The following SUGCT variants were observed in gnomAD, a reference collection of about 807,000 sequenced individuals.
The protein encoded by SUGCT is succinyl-CoA:glutarate CoA-transferase.
Under a neutral mutation model 55.0 loss-of-function variants are expected in SUGCT, and 41 were observed. The ratio of observed to expected loss-of-function variants is 0.74; its 90% CI spans 0.58 to 0.97. SUGCT has a LOEUF of 0.97. Among genes scored for constraint, SUGCT ranks in the 50% least tolerant of loss-of-function variants. The probability of loss-of-function intolerance (pLI) is 0.00; values close to 1 mark genes in which losing one functional copy is unlikely to be tolerated. For synonymous variants in SUGCT, 187 were observed against 200.4 expected (o/e 0.93, Z 0.56); for missense variants, 568 against 547.8 (o/e 1.04, Z -0.37).
At chr7:40,473,223 A>T (rs1790493984) in intron 11 of SUGCT, among the ~76,000 whole-genome samples, 1 of 152,198 alleles carries the variant, frequency 6.6e-6, no homozygotes, top group Non-Finnish European at 1.5e-5. Context: ...TTGTTCAATA[A>T]ATCTTACATA....
chr7:40,365,133 G>A (rs529599707), intron 9 of SUGCT, among the ~76,000 whole-genome samples: 16 of 152,026 alleles, frequency 1.1e-4, no homozygotes, highest in East Asian at 5.8e-4. Flanking sequence ...AATGTAATCC[G>A]GCATATAAAC....
the SUGCT span, among the ~76,000 whole-genome samples, chr7:40,921,676 C>G: frequency 0.36 from 54,812 of 152,086 alleles, 9,965 homozygotes; most frequent in South Asian, 0.49. Flanking sequence ...GCTGTCATCT[C>G]CTGCAGAGGC....
chr7:40,293,979 G>C (rs1008709703), intron 8 of SUGCT, among the ~76,000 whole-genome samples: 1 of 151,650 alleles, frequency 6.6e-6, no homozygotes, highest in Non-Finnish European at 1.5e-5. Flanking sequence ...TTGGAGTCTC[G>C]CTCTGTTGCT....
intron 1 of SUGCT, among the ~76,000 whole-genome samples, chr7:40,165,986 G>T (rs182552385): frequency 4.6e-5 from 7 of 152,280 alleles, no homozygotes; most frequent in Admixed American, 4.6e-4. Context: ...GCTGGATGTG[G>T]TGGCACACGC....
the SUGCT span, among the ~76,000 whole-genome samples, chr7:41,013,298 C>T: frequency 1.3e-5 from 2 of 152,132 alleles, no homozygotes; most frequent in African/African-American, 2.4e-5. Context: ...TTTGGTACCG[C>T]GTTCTTCTTA....
At chr7:40,143,145 C>T (rs955389793) in intron 1 of SUGCT, among the ~76,000 whole-genome samples, 7 of 152,026 alleles carry the variant, frequency 4.6e-5, no homozygotes, top group Non-Finnish European at 7.4e-5. Context: ...AAGGGATAGC[C>T]GATTGGACTA....
intron 12 of SUGCT, among the ~76,000 whole-genome samples, chr7:40,558,696 A>G (rs184189788): frequency 6.0e-4 from 92 of 152,354 alleles, no homozygotes; most frequent in African/African-American, 2.1e-3. Flanking sequence ...TAGTGGTGAT[A>G]ACTGCACAAC....
intron 12 of SUGCT, among the ~76,000 whole-genome samples, chr7:40,639,101 T>C (rs1235538029): frequency 6.6e-6 from 1 of 152,212 alleles, no homozygotes; most frequent in Non-Finnish European, 1.5e-5. Context: ...TGTGGCATCT[T>C]GTGCAGAATG....
intron 7 of SUGCT, among the ~76,000 whole-genome samples, chr7:40,251,959 A>G (rs1027931900): frequency 6.6e-6 from 1 of 152,046 alleles, no homozygotes; most frequent in African/African-American, 2.4e-5. Context: ...AAAGAAATAA[A>G]TAGAGATGTT....
chr7:40,395,641 C>T (rs918346576), intron 9 of SUGCT, among the ~76,000 whole-genome samples: 2 of 151,956 alleles, frequency 1.3e-5, no homozygotes, highest in Non-Finnish European at 2.9e-5. Context: ...AAGCCATATT[C>T]CCCCATTCCC....
chr7:40,641,719 T>G (rs935594519), intron 12 of SUGCT, among the ~76,000 whole-genome samples: 3 of 152,198 alleles, frequency 2.0e-5, no homozygotes, highest in Admixed American at 6.5e-5. Flanking sequence ...GTGTAAAGGT[T>G]TCCCCTTTAT....
chr7:40,360,411 A>G (rs1467718754), intron 9 of SUGCT, among the ~76,000 whole-genome samples: 2 of 152,242 alleles, frequency 1.3e-5, no homozygotes, highest in East Asian at 3.8e-4. Context: ...AAGGAATACA[A>G]TTCATTCATT....
At chr7:40,422,254 G>T (rs4392800) in intron 9 of SUGCT, among the ~76,000 whole-genome samples, 1 of 152,068 alleles carries the variant, frequency 6.6e-6, no homozygotes, top group Admixed American at 6.6e-5. Flanking sequence ...TCAGTATTTA[G>T]AATAGGGTGT....
At chr7:40,624,701 C>T (rs528076991) in intron 12 of SUGCT, among the ~76,000 whole-genome samples, 43 of 151,754 alleles carry the variant, frequency 2.8e-4, no homozygotes, top group African/African-American at 9.2e-4. Context: ...AAAGGAAAGT[C>T]GGGAGTGAGG....
chr7:40,993,305 C>G, the SUGCT span, among the ~76,000 whole-genome samples: 2 of 152,188 alleles, frequency 1.3e-5, no homozygotes, highest in African/African-American at 2.4e-5. Context: ...GTTCTGTGCA[C>G]TGTGTTTGCT....
At chr7:40,624,214 C>T (rs79190412) in intron 12 of SUGCT, among the ~76,000 whole-genome samples, 1,839 of 152,250 alleles carry the variant, frequency 0.012, 37 homozygotes, top group African/African-American at 0.039. Context: ...GGCCTCCTCC[C>T]CCAGTATCTT....
At chr7:40,444,690 C>G (rs62451199) in intron 9 of SUGCT, among the ~76,000 whole-genome samples, 4,500 of 152,272 alleles carry the variant, frequency 0.03, 102 homozygotes, top group Middle Eastern at 0.051. Context: ...TTGACTTCCT[C>G]TTTTCCTAAT....
chr7:41,005,851 C>T, the SUGCT span, among the ~76,000 whole-genome samples: 1 of 152,184 alleles, frequency 6.6e-6, no homozygotes, highest in East Asian at 1.9e-4. Context: ...TGGTGACTAG[C>T]CCTCAACCTT....
chr7:40,747,844 C>T (rs575161903), intron 12 of SUGCT, among the ~76,000 whole-genome samples: 6 of 152,172 alleles, frequency 3.9e-5, no homozygotes, highest in South Asian at 4.1e-4. Flanking sequence ...AACATTTTGC[C>T]TCCAATAATT....
Sources: gnomAD v4.1 joint callset for allele counts (sites outside exome capture counted in the v4.1 genomes callset) on GRCh38, gnomAD v4.1.1 for gene constraint, MANE v1.5 for transcripts, NCBI Gene and HGNC (gene_info 2026-07-23, HGNC 2026-07-21) for gene names.